CORO1B: variants seen among roughly 807,000 people sequenced by gnomAD.
CORO1B encodes the protein coronin 1B, also known as coronin-1B.
CORO1B carries 30 observed loss-of-function variants against 51.1 expected under a neutral mutation model. The ratio of observed to expected loss-of-function variants is 0.59; its 90% CI spans 0.44 to 0.80. The LOEUF is 0.80. Ranked by LOEUF, CORO1B falls within the 30% of genes least tolerant of loss-of-function variation. CORO1B has a pLI of 0.00. For missense variants in CORO1B, 648 were observed against 700.4 expected (o/e 0.93, Z 0.84); for synonymous variants, 310 against 289.7 (o/e 1.07, Z -0.71).
rs3741183 is a variant in CORO1B at position 67,435,561 on chromosome 11, G to T, written c.*2815C>A. 4 of 989,802 alleles carry T rather than the reference G, an allele frequency of 4.0e-6. No individual in the cohort carries two copies. The highest frequency in any genetic ancestry group is 5.7e-6 in the Non-Finnish European group (4 of 701,058). The allele number at this position is 989,802 out of a possible 1,614,324, so 61.3% of individuals were successfully genotyped here. Reference sequence around the variant, plus strand: ...ATGGTTGCCTGATGCCTGTGGTTGGGGGGGGCCGTTCCCGTGGTGAGCGGG... The same window carrying T: ...ATGGTTGCCTGATGCCTGTGGTTGGTGGGGGCCGTTCCCGTGGTGAGCGGG... On this transcript the variant is annotated 3_prime_UTR_variant, in exon 11 of 11. Transcript: ENST00000341356.
At chr11:67,443,794 G>A (rs575732515), upstream of CORO1B, 85 of 985,294 alleles carry the variant, frequency 8.6e-5, no homozygotes, top group African/African-American at 1.3e-3. Flanking sequence ...CCTCATAATG[G>A]CATCCGCAGG....
intron 6 of CORO1B, 129 bp downstream of exon 6, chr11:67,440,996 T>G: frequency 7.2e-7 from 1 of 1,398,366 alleles, no homozygotes; most frequent in South Asian, 1.2e-5. Context: ...GACAGAGTCC[T>G]AGGCCCTGAG....
rs1276701857 is a variant in CORO1B at position 67,441,358 on chromosome 11, T to G, written c.611A>C (p.Asp204Ala). Residue 204 changes from aspartate to alanine, a missense_variant, in exon 5 of 11, where the codon GAC (aspartate) becomes GCC (alanine). Transcript: ENST00000341356. ...ACKDKSVRII[D>A]PRRGTLVAER... The stretch of plus-strand genomic sequence containing the variant: ...TGCCACCAGGGTGCCCCGACGGGGG[T>G]CGATGATGCGCACGCTCTTGTCCTT... The G allele has an allele frequency of 6.2e-7, 1 of 1,613,406 alleles. No individual in the cohort carries two copies. The highest frequency in any genetic ancestry group is 1.7e-5 in the Admixed American group (1 of 60,008).
chr11:67,443,593 G>C (rs896240663), upstream of CORO1B: 468 of 706,716 alleles, frequency 6.6e-4, no homozygotes, highest in Middle Eastern at 2.1e-3. Flanking sequence ...CGGCGCCGGG[G>C]GGCCGGGAGC....
chr11:67,440,565 C>A (rs1016923156), intron 6 of CORO1B, 126 bp from the exon 7 acceptor site: 1 of 847,916 alleles, frequency 1.2e-6, no homozygotes, highest in Non-Finnish European at 2.0e-6. Context: ...GGGCCCTCTG[C>A]CATCTCTATG....
At chr11:67,439,535 A>C (rs1035002837) in intron 9 of CORO1B, among the ~76,000 whole-genome samples, 6 of 151,980 alleles carry the variant, frequency 3.9e-5, no homozygotes, top group Non-Finnish European at 8.8e-5. Flanking sequence ...TCCCTCCCTG[A>C]CTGCCTGGTG....
rs1864421693 is a variant in CORO1B at position 67,442,604 on chromosome 11, G to T, written c.25C>A (p.Gln9Lys). The change falls in exon 2 of 11, where the codon CAG (glutamine) becomes AAG (lysine). Residue 9 changes from glutamine to lysine, a missense_variant. By Grantham distance (53) the Gln-to-Lys change is moderately conservative (BLOSUM62 1). Coordinates refer to ENST00000341356, the MANE Select transcript of CORO1B (RefSeq NM_020441.3). Reference protein sequence around the residue: MSFRKVVRQSKFRHVFGQP... With the variant: MSFRKVVRKSKFRHVFGQP... ...CCGAACACATGCCGGAATTTGCTCT[G>T]CCGGACCACTTTGCGGAAGGACATG... is the stretch of plus-strand genomic sequence containing the variant. 4 of 1,613,726 alleles carry T rather than the reference G, an allele frequency of 2.5e-6. No homozygotes were observed. In the African/African-American group the frequency reaches 4.0e-5, roughly 16 times the overall value.
chr11:67,440,767 T>C (rs1864378303), intron 6 of CORO1B: 1 of 641,494 alleles, frequency 1.6e-6, no homozygotes, highest in African/African-American at 1.8e-5. Flanking sequence ...GAGGTCACTA[T>C]GCAGAAGCAG....
Position 67,437,978 on chromosome 11 carries a change from C to T in CORO1B, c.*398G>A, listed in dbSNP as rs772488622. 2.8e-6 allele frequency: 1 copy of T among 361,562 alleles called. No individual in the cohort carries two copies. The allele number at this position is 361,562 out of a possible 1,614,324, so 22.4% of individuals were successfully genotyped here. ...CCCCAGACCTTCTGCACATGTGTGACTCCTGTGACATCCTCTGTCTCCAGG... is the reference window on the plus strand; with the variant it reads ...CCCCAGACCTTCTGCACATGTGTGATTCCTGTGACATCCTCTGTCTCCAGG... On this transcript the variant is annotated 3_prime_UTR_variant, in exon 11 of 11. Coordinates refer to ENST00000341356, the MANE Select transcript of CORO1B (RefSeq NM_020441.3).
chr11:67,442,462 C>G lies in CORO1B; in HGVS notation c.167G>C (p.Gly56Ala), dbSNP rs1864418383. 6.2e-7 allele frequency: 1 copy of G among 1,613,332 alleles called. No individual in the cohort carries two copies. The highest frequency in any genetic ancestry group is 8.5e-7 in the Non-Finnish European group (1 of 1,180,020). ...GGGGAGCACCAGAAAGGCACCCCCTCCACTGGCCTCCACAATCACCGCCAG... is the reference window on the plus strand; with the variant it reads ...GGGGAGCACCAGAAAGGCACCCCCTGCACTGGCCTCCACAATCACCGCCAG... ...KFLAVIVEAS[G>A]GGAFLVLPLS... Residue 56 changes from glycine (G) to alanine (A), a missense_variant, in exon 2 of 11, where the codon GGA (glycine) becomes GCA (alanine). Transcript: ENST00000341356.
In CORO1B at chr11:67,435,854, G is replaced by T. The variant is rs755617165; in HGVS notation, c.*2522C>A. On this transcript the variant is annotated 3_prime_UTR_variant, in exon 11 of 11. Transcript: ENST00000341356. ...GGCCTCAGCACTGCCCCCTGCGCTC[G>T]CTGGTCCTGGGGAGCCGAGGACCAG... 6.2e-7 allele frequency: 1 copy of T among 1,609,892 alleles called. No individual in the cohort carries two copies.
In CORO1B at chr11:67,438,094, C is replaced by T. The variant is rs1864321865; in HGVS notation, c.*282G>A. ...ATTTGGAATGAAAATATAGAGCCCACCCTCCCGCCTCCTCTGGGGAGGGAG... is the reference window on the plus strand; with the variant it reads ...ATTTGGAATGAAAATATAGAGCCCATCCTCCCGCCTCCTCTGGGGAGGGAG... On this transcript the variant is annotated 3_prime_UTR_variant, in exon 11 of 11. Coordinates refer to ENST00000341356, the MANE Select transcript of CORO1B (RefSeq NM_020441.3). 1 of 400,770 alleles carries T rather than the reference C, an allele frequency of 2.5e-6. No homozygotes were observed. The highest frequency in any genetic ancestry group is 3.7e-5 in the East Asian group (1 of 27,374). 24.8% of individuals were successfully genotyped at this position (400,770 alleles called of 1,614,324 possible).
chr11:67,440,363 T>C lies in CORO1B; in HGVS notation c.833A>G (p.Asp278Gly). 1 of 1,613,814 alleles carries C rather than the reference T, an allele frequency of 6.2e-7. No individual in the cohort carries two copies. Among genetic ancestry groups the C allele is most frequent in the Non-Finnish European group, 8.5e-7 (1 of 1,179,982 alleles). Residue 278 changes from aspartate (D) to glycine (G), a missense_variant, in exon 7 of 11, where the codon GAC (aspartate) becomes GGC (glycine). By Grantham distance (94) the Asp-to-Gly change is moderately conservative. Transcript: ENST00000341356. ...GCCGCAGACGTAGACCACACTGGTG[T>C]CGGGGTCGTAGAAGGGCAGCAGGGC... The part of the protein sequence containing the change: ...NGALLPFYDP[D>G]TSVVYVCGKG...
intron 8 of CORO1B, 104 bp downstream of exon 8, chr11:67,440,014 C>T (rs753347412): frequency 5.1e-5 from 77 of 1,507,490 alleles, no homozygotes; most frequent in Non-Finnish European, 6.6e-5. Context: ...CATGGCCCGC[C>T]GGGCCTCCCT....
rs1209242015 is a variant in CORO1B at position 67,435,933 on chromosome 11, C to G, written c.*2443G>C. On this transcript the variant is annotated 3_prime_UTR_variant, in exon 11 of 11. Coordinates refer to ENST00000341356, the MANE Select transcript of CORO1B (RefSeq NM_020441.3). Reference sequence around the variant, plus strand: ...TCCTCAGCCCGCACGGGGACCTGCTCTGGGCTGGACGCCTCTCCACATTGC... The same window carrying G: ...TCCTCAGCCCGCACGGGGACCTGCTGTGGGCTGGACGCCTCTCCACATTGC... The G allele has an allele frequency of 2.5e-6, 4 of 1,613,244 alleles. No individual in the cohort carries two copies. Among genetic ancestry groups the G allele is most frequent in the Non-Finnish European group, 3.4e-6 (4 of 1,179,878 alleles).
In CORO1B at chr11:67,441,818, C is replaced by G; in HGVS notation, c.369G>C (p.Glu123Asp). 6.2e-7 allele frequency: 1 copy of G among 1,613,158 alleles called. No individual in the cohort carries two copies. The highest frequency in any genetic ancestry group is 8.5e-7 in the Non-Finnish European group (1 of 1,179,970). The change falls in exon 4 of 11, where the codon GAG becomes GAC. Residue 123 changes from glutamate to aspartate, a missense_variant. Physicochemically the swap from Glu to Asp is conservative, Grantham distance 45 (BLOSUM62 2). Transcript: ENST00000341356. ...PENGLTSPLTEPVVVLEGHTK... is the reference protein window; with the variant it reads ...PENGLTSPLTDPVVVLEGHTK... ...TGTGCCCCTCCAGTACCACCACCGGCTCTGTCAGCGGGGAGGTCAGCCCGT... is the reference window on the plus strand; with the variant it reads ...TGTGCCCCTCCAGTACCACCACCGGGTCTGTCAGCGGGGAGGTCAGCCCGT...
chr11:67,438,542 G>T, intron 10 of CORO1B, 41 bp from the exon 11 acceptor site: 1 of 1,581,416 alleles, frequency 6.3e-7, no homozygotes, highest in Non-Finnish European at 8.6e-7. Context: ...GGTGGTCAGG[G>T]GCTGCTAAGC....
At chr11:67,443,765 G>A, upstream of CORO1B, 2 of 985,290 alleles carry the variant, frequency 2.0e-6, no homozygotes, top group African/African-American at 3.5e-5. Context: ...CGGACCCGAG[G>A]CCCCTTCGCG....
intron 1 of CORO1B, among the ~76,000 whole-genome samples, chr11:67,442,987 C>T (rs1415635598): frequency 1.3e-5 from 2 of 152,150 alleles, no homozygotes; most frequent in Non-Finnish European, 2.9e-5. Context: ...TCGGGAGCAG[C>T]CTCCTTCCTG....
Sources: gnomAD v4.1 joint callset for allele counts (sites outside exome capture counted in the v4.1 genomes callset) on GRCh38, gnomAD v4.1.1 for gene constraint, MANE v1.5 for transcripts, NCBI Gene and HGNC (gene_info 2026-07-23, HGNC 2026-07-21) for gene names.